PARD3B: variants seen among roughly 807,000 people sequenced by gnomAD.
The protein encoded by PARD3B is partitioning defective 3 homolog B.
A neutral mutation model predicts 130.2 loss-of-function variants in PARD3B; 103 were observed. The observed-to-expected ratio is 0.79, with a 90% CI of 0.67 to 0.93. The LOEUF is 0.93. Ranked by LOEUF, PARD3B falls within the 40% of genes least tolerant of loss-of-function variation. The probability of loss-of-function intolerance (pLI) is 0.00; values close to 1 mark genes in which losing one functional copy is unlikely to be tolerated. For missense variants in PARD3B, 1,609 were observed against 1,499.2 expected, an observed-to-expected ratio of 1.07 and a Z score of -1.21; for synonymous variants, 583 against 553.2, an observed-to-expected ratio of 1.05 and a Z score of -0.76.
chr2:205,112,800 G>A (rs762862404), intron 5 of PARD3B, among the ~76,000 whole-genome samples: 1 of 152,076 alleles, frequency 6.6e-6, no homozygotes, highest in Non-Finnish European at 1.5e-5. Flanking sequence ...GGGTAGGTTA[G>A]GCAGGTCAGG....
chr2:205,359,491 G>C (rs2044311694), intron 18 of PARD3B, among the ~76,000 whole-genome samples: 1 of 152,072 alleles, frequency 6.6e-6, no homozygotes, highest in Admixed American at 6.6e-5. Flanking sequence ...GTAATCCTCA[G>C]TTCATGGCTC....
At chr2:204,759,229 A>G (rs2125404306) in intron 2 of PARD3B, among the ~76,000 whole-genome samples, 1 of 152,256 alleles carries the variant, frequency 6.6e-6, no homozygotes, top group South Asian at 2.1e-4. Flanking sequence ...AAACTTTCCT[A>G]TCTGATTGGC....
chr2:204,729,891 A>G (rs1333270626), intron 2 of PARD3B, among the ~76,000 whole-genome samples: 1 of 152,074 alleles, frequency 6.6e-6, no homozygotes, highest in African/African-American at 2.4e-5. Context: ...AAACAAAATT[A>G]GTATTTATAT....
At chr2:205,030,878 C>T (rs549260925) in intron 3 of PARD3B, among the ~76,000 whole-genome samples, 1 of 152,126 alleles carries the variant, frequency 6.6e-6, no homozygotes, top group Admixed American at 6.6e-5. Flanking sequence ...TTACCCAACC[C>T]TTGCTAAGAT....
At chr2:204,811,398 A>G (rs1192722383) in intron 2 of PARD3B, among the ~76,000 whole-genome samples, 3 of 152,174 alleles carry the variant, frequency 2.0e-5, no homozygotes, top group African/African-American at 7.2e-5. Context: ...TGTGTATACT[A>G]CATGATGTTT....
intron 1 of PARD3B, among the ~76,000 whole-genome samples, chr2:204,659,240 T>G (rs1465158941): frequency 6.6e-6 from 1 of 152,142 alleles, no homozygotes; most frequent in Non-Finnish European, 1.5e-5. Context: ...ATTGAACAAT[T>G]GTGTTGTTTT....
At position 205,550,955 on chromosome 2, in the gene PARD3B, G is replaced by GTGTGTGTGTA. The variant is rs796567936; in HGVS notation, c.3181-2368_3181-2367insGTGTGTGTAT. 1.0e-3 allele frequency among the ~76,000 whole-genome samples: 94 copies of GTGTGTGTGTA among 94,424 alleles called. 1 individual carries two copies. The highest frequency in any genetic ancestry group is 1.3e-3 in the South Asian group (3 of 2,374). The allele number at this position is 94,424 out of a possible 152,430, so 61.9% of individuals were successfully genotyped here. A position where few individuals can be genotyped will look rare whatever the true frequency, so the allele number is the denominator to read the frequency against. On this transcript the variant is annotated intron_variant, in intron 21 of 22. Transcript: ENST00000406610. The surrounding 1 kb of genome is among the most constrained non-coding windows in gnomAD (Gnocchi z 4.5). ...TGTGTGTGTGTGTATATATATATGT[G>GTGTGTGTGTA]TATATATATATATATATATATACAC...
intron 14 of PARD3B, among the ~76,000 whole-genome samples, chr2:205,192,847 T>C (rs557637971): frequency 1.3e-5 from 2 of 152,332 alleles, no homozygotes; most frequent in East Asian, 3.9e-4. Context: ...CTTAACCTGC[T>C]TTTGGGCTCT....
chr2:204,668,978 A>G (rs2036155302), intron 1 of PARD3B, among the ~76,000 whole-genome samples: 1 of 152,116 alleles, frequency 6.6e-6, no homozygotes, highest in Non-Finnish European at 1.5e-5. Context: ...AATGTGGGCA[A>G]CCTCTTCAGA....
rs184635738 is a variant in PARD3B at position 205,091,429 on chromosome 2, G to A, written c.505-12997G>A. 1.6e-4 allele frequency among the ~76,000 whole-genome samples: 25 copies of A among 152,190 alleles called. No homozygotes were observed. The highest frequency in any genetic ancestry group is 5.8e-4 in the African/African-American group (24 of 41,548). On this transcript the variant is annotated intron_variant, in intron 4 of 22. Coordinates refer to ENST00000406610, the MANE Select transcript of PARD3B (RefSeq NM_001302769.2). The surrounding 1 kb of genome is among the most constrained non-coding windows in gnomAD (Gnocchi z 4.2). Reference sequence around the variant, plus strand: ...CCTCTCACTTTTCTGCACCTTCTCGGGGAAATAGATGAGGAGGGTGGCCAT... The same window carrying A: ...CCTCTCACTTTTCTGCACCTTCTCGAGGAAATAGATGAGGAGGGTGGCCAT...
intron 4 of PARD3B, among the ~76,000 whole-genome samples, chr2:205,054,432 A>ATTTTTTTT (rs1276333044): frequency 3.2e-5 from 1 of 30,976 alleles, no homozygotes; most frequent in African/African-American, 1.5e-4. Flanking sequence ...ATATATATAT[A>ATTTTTTTT]TATATTTTTT....
intron 2 of PARD3B, among the ~76,000 whole-genome samples, chr2:204,789,131 A>G (rs1276515666): frequency 6.6e-6 from 1 of 152,160 alleles, no homozygotes; most frequent in Admixed American, 6.5e-5. Context: ...ATCATAGCTC[A>G]CTGCAGCCTC....
At chr2:204,663,766 G>T (rs1422916478) in intron 1 of PARD3B, among the ~76,000 whole-genome samples, 1 of 152,186 alleles carries the variant, frequency 6.6e-6, no homozygotes, top group Non-Finnish European at 1.5e-5. Flanking sequence ...CATACTGTGT[G>T]GACATAGTAG....
At chr2:204,563,145 C>A (rs902328783) in intron 1 of PARD3B, among the ~76,000 whole-genome samples, 1 of 151,894 alleles carries the variant, frequency 6.6e-6, no homozygotes, top group East Asian at 1.9e-4. Context: ...CTTCTGGCAG[C>A]CCAGGGCATT....
At chr2:205,094,889 T>C (rs1052968451) in intron 4 of PARD3B, among the ~76,000 whole-genome samples, 3 of 152,202 alleles carry the variant, frequency 2.0e-5, no homozygotes, top group African/African-American at 7.2e-5. Flanking sequence ...AAATGCTTGG[T>C]AATTGCTGAA....
At chr2:205,297,031 G>T (rs1371478300) in intron 16 of PARD3B, among the ~76,000 whole-genome samples, 6 of 151,928 alleles carry the variant, frequency 3.9e-5, no homozygotes. Context: ...TGTGTCATCT[G>T]TTTCATGAAT....
At chr2:205,054,403 T>TTAAAAC (rs1699451664) in intron 4 of PARD3B, among the ~76,000 whole-genome samples, 1 of 45,976 alleles carries the variant, frequency 2.2e-5, no homozygotes, top group Non-Finnish European at 4.3e-5. Context: ...TGACATGTCT[T>TTAAAAC]TTATATATAT....
intron 19 of PARD3B, among the ~76,000 whole-genome samples, chr2:205,409,578 T>C (rs959031415): frequency 2.0e-5 from 3 of 152,124 alleles, no homozygotes; most frequent in Non-Finnish European, 2.9e-5. Context: ...AAAATCCTTT[T>C]ATGGGACTTG....
At chr2:205,032,580 C>G (rs955270720) in intron 3 of PARD3B, among the ~76,000 whole-genome samples, 1 of 152,092 alleles carries the variant, frequency 6.6e-6, no homozygotes, top group African/African-American at 2.4e-5. Context: ...ATGTTCTCTG[C>G]CAGAAAAGCC....
Sources: gnomAD v4.1 joint callset for allele counts (sites outside exome capture counted in the v4.1 genomes callset) on GRCh38, gnomAD v4.1.1 for gene constraint, Gnocchi (gnomAD v3.1) non-coding constraint, MANE v1.5 for transcripts, NCBI Gene and HGNC (gene_info 2026-07-23, HGNC 2026-07-21) for gene names.